The following CRISPLD1 variants were observed in gnomAD, a reference collection of about 807,000 sequenced individuals.
CRISPLD1 encodes the protein cysteine-rich secretory protein LCCL domain-containing 1.
A neutral mutation model predicts 77.5 loss-of-function variants in CRISPLD1; 60 were observed. The observed-to-expected ratio is 0.77, with a 90% confidence interval of 0.63 to 0.96. CRISPLD1 has a LOEUF of 0.96. CRISPLD1 is among the 40% of genes least tolerant of loss of function. The pLI, the probability that CRISPLD1 is intolerant of heterozygous loss-of-function variation, is 0.00. For missense variants in CRISPLD1, 623 were observed against 615.8 expected, an observed-to-expected ratio of 1.01 and a Z score of -0.12; for synonymous variants, 195 against 200.1, an observed-to-expected ratio of 0.97 and a Z score of 0.22.
At chr8:75,017,205 G>A in intron 9 of CRISPLD1, 92 bp downstream of exon 9, 1 of 1,513,278 alleles carries the variant, frequency 6.6e-7, no homozygotes, top group Non-Finnish European at 9.1e-7. Context: ...CATAAGTATA[G>A]ATATTTTGCT....
chr8:75,001,624 G>A (rs1415556072), intron 2 of CRISPLD1, among the ~76,000 whole-genome samples: 1 of 152,200 alleles, frequency 6.6e-6, no homozygotes, highest in Admixed American at 6.5e-5. Context: ...AAGGGAATAT[G>A]GTGAGACCCT....
chr8:75,029,634 G>A lies in CRISPLD1; in HGVS notation c.1451+117G>A, dbSNP rs1813298830. The stretch of plus-strand genomic sequence containing the variant: ...ATTTTTTTCAAAGTTAAGTGGCAGA[G>A]CCAGTGTGTTCCTTTGCACACTTGT... On this transcript the variant is annotated intron_variant, in intron 14 of 14. Transcript: ENST00000262207. The A allele has an allele frequency of 7.4e-5, 75 of 1,014,830 alleles. 2 individuals carry two copies. In the South Asian group the frequency reaches 1.1e-3, roughly 15 times the overall value. The allele number at this position is 1,014,830 out of a possible 1,614,324, so 62.9% of individuals were successfully genotyped here.
chr8:75,020,426 G>T (rs1193542529), intron 12 of CRISPLD1, among the ~76,000 whole-genome samples: 2 of 152,168 alleles, frequency 1.3e-5, no homozygotes, highest in East Asian at 1.9e-4. Context: ...AGGTTGAGAA[G>T]TTCAAGATCA....
At position 75,033,169 on chromosome 8, in the gene CRISPLD1, T is replaced by G. The variant is rs1371233994; in HGVS notation, c.*927T>G. ...TATAATGGTGATATATTTGTTTCTA[T>G]GAAAAATGTATTGTGCTTTGATACT... is the stretch of plus-strand genomic sequence containing the variant. On this transcript the variant is annotated 3_prime_UTR_variant, in exon 15 of 15. Coordinates refer to ENST00000262207, the MANE Select transcript of CRISPLD1 (RefSeq NM_031461.6). 2 of 152,404 alleles carry G rather than the reference T, an allele frequency of 1.3e-5. No individual in the cohort carries two copies. Among genetic ancestry groups the G allele is most frequent in the Non-Finnish European group, 2.9e-5 (2 of 67,868 alleles). The allele number at this position is 152,404 out of a possible 1,614,324, so 9.4% of individuals were successfully genotyped here. A position where few individuals can be genotyped will look rare whatever the true frequency, so the allele number is the denominator to read the frequency against.
At chr8:75,023,780 A>G (rs117437915) in intron 12 of CRISPLD1, among the ~76,000 whole-genome samples, 3,995 of 137,594 alleles carry the variant, frequency 0.029, 64 homozygotes, top group Non-Finnish European at 0.037. Flanking sequence ...GTTTCCTTTT[A>G]GTGATGAGTG....
At chr8:75,023,341 C>T (rs550981989) in intron 12 of CRISPLD1, among the ~76,000 whole-genome samples, 2 of 152,308 alleles carry the variant, frequency 1.3e-5, no homozygotes, top group East Asian at 3.9e-4. Flanking sequence ...CGGTGAATGC[C>T]TAGCAGTTCT....
rs1006342860 is a variant in CRISPLD1 at position 75,000,274 on chromosome 8, T to G, written c.259-12159T>G. On this transcript the variant is annotated intron_variant, in intron 2 of 14. Transcript: ENST00000262207. Reference sequence around the variant, plus strand: ...AGTGAATGAATGAGATCAGATGTTGTCCAGAGAAGGAAAATCAAATGATAA... The same window carrying G: ...AGTGAATGAATGAGATCAGATGTTGGCCAGAGAAGGAAAATCAAATGATAA... 3.0e-6 allele frequency: 3 copies of G among 985,208 alleles called. No individual in the cohort carries two copies. In the African/African-American group the frequency reaches 5.2e-5, roughly 17 times the overall value. The allele number at this position is 985,208 out of a possible 1,614,324, so 61.0% of individuals were successfully genotyped here.
chr8:75,004,051 G>A, intron 2 of CRISPLD1, among the ~76,000 whole-genome samples: 1 of 152,078 alleles, frequency 6.6e-6, no homozygotes, highest in South Asian at 2.1e-4. Context: ...TAAACTGTTA[G>A]CTTGCTACTT....
chr8:75,006,943 C>A (rs1036566075), intron 2 of CRISPLD1, among the ~76,000 whole-genome samples: 1 of 151,968 alleles, frequency 6.6e-6, no homozygotes, highest in African/African-American at 2.4e-5. Flanking sequence ...CAAAACAATG[C>A]TAATTAATGC....
chr8:75,014,105 GAGTAGACA>G lies in CRISPLD1; in HGVS notation c.626+5_626+12del, dbSNP rs775990299. The G allele has an allele frequency of 7.2e-5, 112 of 1,565,472 alleles. No individual in the cohort carries two copies. Among genetic ancestry groups the G allele is most frequent in the Non-Finnish European group, 9.7e-5 (110 of 1,136,140 alleles). Reference sequence around the variant, plus strand: ...CTGGTGTGCAATTACTCCCCAAAGTGAGTAGACAAAACACTACGTTCAGATGTACATTT... The same window carrying G: ...CTGGTGTGCAATTACTCCCCAAAGTGAAACACTACGTTCAGATGTACATTT... On this transcript the variant is annotated splice_donor_5th_base_variant and intron_variant, in intron 5 of 14. Coordinates refer to ENST00000262207, the MANE Select transcript of CRISPLD1 (RefSeq NM_031461.6).
chr8:75,014,143 T>C, intron 5 of CRISPLD1, 41 bp downstream of exon 5: 1 of 1,281,300 alleles, frequency 7.8e-7, no homozygotes, highest in East Asian at 2.3e-5. Flanking sequence ...ACATTTTTCT[T>C]AACAAAATGA....
intron 2 of CRISPLD1, among the ~76,000 whole-genome samples, chr8:75,001,596 G>A (rs1264250398): frequency 6.6e-6 from 1 of 152,178 alleles, no homozygotes; most frequent in Non-Finnish European, 1.5e-5. Context: ...TTTGGTAGAA[G>A]TTACCGTCAT....
intron 2 of CRISPLD1, among the ~76,000 whole-genome samples, chr8:74,998,669 CAG>C (rs1385617398): frequency 3.9e-5 from 4 of 103,200 alleles, no homozygotes; most frequent in African/African-American, 1.6e-4. Context: ...GCCTGGGCAA[CAG>C]AGAGACTCCA....
intron 2 of CRISPLD1, among the ~76,000 whole-genome samples, chr8:75,007,663 CTTTTTTTT>C (rs34289550): frequency 2.2e-5 from 2 of 89,322 alleles, no homozygotes. Flanking sequence ...GAACCATCGA[CTTTTTTTT>C]TTTTTTTTTT....
intron 2 of CRISPLD1, among the ~76,000 whole-genome samples, chr8:74,989,856 A>T (rs1396271489): frequency 2.0e-5 from 3 of 152,142 alleles, no homozygotes; most frequent in Non-Finnish European, 4.4e-5. Context: ...GTTTTCTTGT[A>T]CAGTTTTTAT....
chr8:75,025,177 T>C (rs79720869), intron 12 of CRISPLD1, among the ~76,000 whole-genome samples: 7,358 of 152,242 alleles, frequency 0.048, 253 homozygotes, highest in South Asian at 0.084. Context: ...AGAGAATCTA[T>C]GAGATGTATG....
intron 2 of CRISPLD1, among the ~76,000 whole-genome samples, chr8:75,008,526 C>G (rs1353012080): frequency 6.6e-6 from 1 of 152,044 alleles, no homozygotes; most frequent in Non-Finnish European, 1.5e-5. Context: ...GTTTTTAAGA[C>G]TTGATTTGTA....
Position 75,023,814 on chromosome 8 carries a change from A to T in CRISPLD1, c.1245-1732A>T, listed in dbSNP as rs1027178075. On this transcript the variant is annotated intron_variant, in intron 12 of 14. Transcript: ENST00000262207. Reference sequence around the variant, plus strand: ...TGCGTGTGTGTGTGTGTGTGTGTGAATGCAGACGAGCCACTTGATTAAAAG... The same window carrying T: ...TGCGTGTGTGTGTGTGTGTGTGTGATTGCAGACGAGCCACTTGATTAAAAG... Among the ~76,000 whole-genome samples, 6 of 151,796 alleles carry T rather than the reference A, an allele frequency of 4.0e-5. No homozygotes were observed. The East Asian group carries it at 9.7e-4, about 25-fold the overall frequency.
chr8:75,032,077 C>CAGAT (rs1042312704), intron 14 of CRISPLD1, 114 bp from the exon 15 acceptor site: 1 of 652,624 alleles, frequency 1.5e-6, no homozygotes, highest in African/African-American at 1.8e-5. Flanking sequence ...GAAAGTTGAC[C>CAGAT]ATCTGGATTC....
Sources: gnomAD v4.1 joint callset for allele counts (sites outside exome capture counted in the v4.1 genomes callset) on GRCh38, gnomAD v4.1.1 for gene constraint, MANE v1.5 for transcripts, NCBI Gene and HGNC (gene_info 2026-07-23, HGNC 2026-07-21) for gene names.